Variants in MINK1 observed in about 807,000 individuals in gnomAD.
The protein encoded by MINK1 is misshapen-like kinase 1.
In MINK1, 46 loss-of-function variants were observed where a neutral mutation model predicts 178.4. The ratio of observed to expected loss-of-function variants is 0.26; its 90% CI spans 0.20 to 0.33. The LOEUF is 0.33. Among genes scored for constraint, MINK1 ranks in the 10% least tolerant of loss-of-function variants. The pLI is 1.00. For synonymous variants in MINK1, 797 were observed against 709.7 expected, an observed-to-expected ratio of 1.12 and a Z score of -1.96; for missense variants, 1,366 against 1,814.9, an observed-to-expected ratio of 0.75 and a Z score of 4.49.
Position 4,894,218 on chromosome 17 carries a change from G to A in MINK1, c.2715G>A (p.Gly905=), listed in dbSNP as rs773574731. 13 of 1,613,470 alleles carry A rather than the reference G, an allele frequency of 8.1e-6. No homozygotes were observed. The highest frequency in any genetic ancestry group is 3.3e-5 in the Admixed American group (2 of 60,008). ...ERNLLHADSN[G]YTNLPDVVQP... ...ACCTGCTGCATGCTGACAGCAATGG[G>A]TACACAAACCTGCCTGACGTGGTCC... is the stretch of plus-strand genomic sequence containing the variant. The change falls in exon 23 of 32, where the codon GGG becomes GGA. Residue 905 remains glycine, a synonymous_variant. Coordinates refer to ENST00000355280, the MANE Select transcript of MINK1 (RefSeq NM_153827.5). This position sits in a 1 kb window ranked among gnomAD's most constrained non-coding sequence, Gnocchi z 4.1.
At chr17:4,859,641 A>G (rs1913795897) in intron 1 of MINK1, among the ~76,000 whole-genome samples, 1 of 151,922 alleles carries the variant, frequency 6.6e-6, no homozygotes. Context: ...TACAAAAATT[A>G]GCTGGGTGTG....
chr17:4,870,928 C>T (rs531077391), intron 1 of MINK1: 199 of 161,232 alleles, frequency 1.2e-3, no homozygotes, highest in Non-Finnish European at 1.4e-3. Flanking sequence ...AGAACCTTTT[C>T]ATTATCCCCA....
intron 1 of MINK1, among the ~76,000 whole-genome samples, chr17:4,870,674 A>T (rs896663075): frequency 1.7e-4 from 26 of 151,730 alleles, no homozygotes; most frequent in Admixed American, 9.2e-4. Flanking sequence ...AAAATATAAA[A>T]ATTAGCCAGG....
At chr17:4,890,891 C>T (rs1009351463) in intron 14 of MINK1, 60 bp from the exon 15 acceptor site, 2 of 1,547,740 alleles carry the variant, frequency 1.3e-6, no homozygotes, top group African/African-American at 1.4e-5. Context: ...CAGGTGGGAC[C>T]CTCAGTTTTG....
chr17:4,894,579 G>C lies in MINK1; in HGVS notation c.2863G>C (p.Val955Leu), dbSNP rs1201811059. Residue 955 changes from valine (V) to leucine (L), a missense_variant, in exon 24 of 32, where the codon GTG becomes CTG. Physicochemically the swap from Val to Leu is conservative, Grantham distance 32 (BLOSUM62 1). Coordinates refer to ENST00000355280, the MANE Select transcript of MINK1 (RefSeq NM_153827.5). The surrounding 1 kb of genome is among the most constrained non-coding windows in gnomAD (Gnocchi z 4.1). ...APGKSSFTMF[V>L]DLGIYQPGGS... ...TGGCAAGAGCTCGTTCACGATGTTTGTGGATCTAGGGATCTACCAGCCTGG... is the reference window on the plus strand; with the variant it reads ...TGGCAAGAGCTCGTTCACGATGTTTCTGGATCTAGGGATCTACCAGCCTGG... 1 of 1,609,788 alleles carries C rather than the reference G, an allele frequency of 6.2e-7. No individual in the cohort carries two copies. Among genetic ancestry groups the C allele is most frequent in the Non-Finnish European group, 8.5e-7 (1 of 1,177,988 alleles).
Position 4,861,512 on chromosome 17 carries a change from T to C in MINK1, c.58-16805T>C, listed in dbSNP as rs1190934234. On this transcript the variant is annotated intron_variant, in intron 1 of 31. Transcript: ENST00000355280. ...TCAACCAAAGGTTTTTATTTATTTA[T>C]TTTTTTGAGTTGGAGTCTCACTCTG... Among the ~76,000 whole-genome samples, 3 of 152,126 alleles carry C rather than the reference T, an allele frequency of 2.0e-5. No homozygotes were observed. The East Asian group carries it at 5.8e-4, about 29-fold the overall frequency.
Position 4,872,458 on chromosome 17 carries a change from T to TG in MINK1, c.58-5858dup, listed in dbSNP as rs1009725846. ...TTCAAGACCAGCCTGGGCAACACGGTGAAACCCCGTCTACATAAAAAGTAC... is the reference window on the plus strand; with the variant it reads ...TTCAAGACCAGCCTGGGCAACACGGTGGAAACCCCGTCTACATAAAAAGTAC... On this transcript the variant is annotated intron_variant, in intron 1 of 31. Coordinates refer to ENST00000355280, the MANE Select transcript of MINK1 (RefSeq NM_153827.5). Among the ~76,000 whole-genome samples the TG allele has an allele frequency of 1.7e-4, 26 of 151,310 alleles. 1 individual carries two copies. The highest frequency in any genetic ancestry group is 6.9e-3 in the Middle Eastern group (2 of 288).
intron 1 of MINK1, among the ~76,000 whole-genome samples, chr17:4,862,546 T>G (rs920905767): frequency 6.6e-6 from 1 of 151,506 alleles, no homozygotes; most frequent in Non-Finnish European, 1.5e-5. Flanking sequence ...TCCTAGCTAC[T>G]GGGAGGCTGA....
rs777469748 is a variant in MINK1 at position 4,896,202 on chromosome 17, G to A, written c.3475G>A (p.Asp1159Asn). 60 of 1,597,006 alleles carry A rather than the reference G, an allele frequency of 3.8e-5. No homozygotes were observed. The highest frequency in any genetic ancestry group is 4.4e-5 in the Non-Finnish European group (52 of 1,171,126). Residue 1159 changes from aspartate (D) to asparagine (N), a missense_variant, in exon 29 of 32, where the codon GAC becomes AAC. By Grantham distance (23) the Asp-to-Asn change is conservative. Around this residue, in one of 14 missense-constraint regions of MINK1, gnomAD observed 201 missense variants for 240.7 expected, o/e 0.84. Transcript: ENST00000355280. This position sits in a 1 kb window ranked among gnomAD's most constrained non-coding sequence, Gnocchi z 4.6. ...HKFMAFKSFA[D>N]LPHRPLLVDL... ...CTCCGGTTCTCTGCAGTCCTTTGCC[G>A]ACCTCCCCCACCGCCCTCTGCTGGT...
intron 20 of MINK1, 172 bp from the exon 21 acceptor site, chr17:4,893,258 CTCTT>C: frequency 1.2e-5 from 19 of 1,613,756 alleles, no homozygotes; most frequent in Non-Finnish European, 1.6e-5. Context: ...TCTCTTCTGG[CTCTT>C]TCTTCCCCTG....
At chr17:4,867,633 C>G (rs1184022137) in intron 1 of MINK1, among the ~76,000 whole-genome samples, 2 of 152,056 alleles carry the variant, frequency 1.3e-5, no homozygotes, top group Admixed American at 6.6e-5. Flanking sequence ...AACCCCATCT[C>G]TACTAAAATT....
intron 1 of MINK1, among the ~76,000 whole-genome samples, chr17:4,872,046 A>G (rs1318105180): frequency 6.6e-6 from 1 of 152,138 alleles, no homozygotes; most frequent in African/African-American, 2.4e-5. Flanking sequence ...AAAAGGATGG[A>G]CAGGCTGGGT....
intron 3 of MINK1, 40 bp from the exon 4 acceptor site, chr17:4,881,092 T>G: frequency 6.5e-7 from 1 of 1,535,960 alleles, no homozygotes; most frequent in African/African-American, 1.4e-5. Context: ...GAAGGGAGTG[T>G]TGGGGGAGTC....
Position 4,881,188 on chromosome 17 carries a change from C to T in MINK1, c.237C>T (p.His79=). Residue 79 remains histidine (H), a synonymous_variant, in exon 4 of 32, where the codon CAC becomes CAT. Transcript: ENST00000355280. ...ACATGCTGAAAAAGTACTCTCACCA[C>T]CGCAACATCGCCACCTACTACGGAG... ...EINMLKKYSH[H]RNIATYYGAF... 2.0e-6 allele frequency: 3 copies of T among 1,537,222 alleles called. No homozygotes were observed. The highest frequency in any genetic ancestry group is 2.6e-6 in the Non-Finnish European group (3 of 1,146,892).
rs1266634811 is a variant in MINK1, at chr17:4,886,366, C to T, written c.774-85C>T. ...GAAGACAGGAGGGACGTCAAGGTGG[C>T]TTGTGGATGAATGATCCACCCTCTT... On this transcript the variant is annotated intron_variant, in intron 9 of 31. Coordinates refer to ENST00000355280, the MANE Select transcript of MINK1 (RefSeq NM_153827.5). This position sits in a 1 kb window ranked among gnomAD's most constrained non-coding sequence, Gnocchi z 6.1. The T allele has an allele frequency of 6.6e-6, 10 of 1,522,336 alleles. No individual in the cohort carries two copies. The highest frequency in any genetic ancestry group is 1.2e-5 in the South Asian group (1 of 82,782). 94.3% of individuals were successfully genotyped at this position (1,522,336 alleles called of 1,614,324 possible).
In MINK1 at chr17:4,892,195, G is replaced by T; in HGVS notation, c.2048G>T (p.Gly683Val). The T allele has an allele frequency of 6.3e-7, 1 of 1,599,744 alleles. No individual in the cohort carries two copies. Among genetic ancestry groups the T allele is most frequent in the East Asian group, 2.3e-5 (1 of 44,052 alleles). ...SSIATALNTS[G>V]AGGSRPAQAV... ...ATCGCCACTGCCCTTAACACCAGTG[G>T]GGCCGGAGGGTCCCGGCCAGCCCAG... Residue 683 changes from glycine to valine, a missense_variant, in exon 17 of 32, where the codon GGG (glycine) becomes GTG (valine). Around this residue, in one of 14 missense-constraint regions of MINK1, gnomAD observed 709 missense variants for 692.3 expected, o/e 1.02. Coordinates refer to ENST00000355280, the MANE Select transcript of MINK1 (RefSeq NM_153827.5).
chr17:4,897,256 C>G lies in MINK1; in HGVS notation c.3968C>G (p.Thr1323Ser). 6.2e-7 allele frequency: 1 copy of G among 1,613,788 alleles called. No homozygotes were observed. The highest frequency in any genetic ancestry group is 8.5e-7 in the Non-Finnish European group (1 of 1,179,754). Residue 1323 changes from threonine (T) to serine (S), a missense_variant, in exon 32 of 32, where the codon ACT becomes AGT. Around this residue, in one of 14 missense-constraint regions of MINK1, gnomAD observed 201 missense variants for 240.7 expected, o/e 0.84. Transcript: ENST00000355280. Reference protein sequence around the residue: ...SGGSSQVYFMTLNRNCIMNW With the variant: ...SGGSSQVYFMSLNRNCIMNW The stretch of plus-strand genomic sequence containing the variant: ...GGCAGCAGCCAAGTTTACTTCATGA[C>G]TCTGAACCGTAACTGCATCATGAAC...
Position 4,887,226 on chromosome 17 carries a change from G to A in MINK1, c.1019+47G>A, listed in dbSNP as rs368937049. ...GGGGTTGGGGCGGTCATCGCTGAGT[G>A]GGGGGACTACAGTGGTGCTTGGCTT... is the stretch of plus-strand genomic sequence containing the variant. On this transcript the variant is annotated intron_variant, in intron 11 of 31. Coordinates refer to ENST00000355280, the MANE Select transcript of MINK1 (RefSeq NM_153827.5). The surrounding 1 kb of genome is among the most constrained non-coding windows in gnomAD (Gnocchi z 7.6). The A allele has an allele frequency of 3.3e-6, 5 of 1,533,914 alleles. No homozygotes were observed. Among genetic ancestry groups the A allele is most frequent in the Admixed American group, 3.8e-5 (2 of 52,068 alleles).
intron 1 of MINK1, among the ~76,000 whole-genome samples, chr17:4,876,287 A>T (rs1027214943): frequency 9.9e-5 from 15 of 152,166 alleles, no homozygotes; most frequent in African/African-American, 3.6e-4. Context: ...GGTCCTAGAC[A>T]TTACCTGGTG....
Sources: allele counts gnomAD v4.1 joint callset (sites outside exome capture counted in the v4.1 genomes callset), GRCh38; gene constraint gnomAD v4.1.1; regional missense constraint gnomAD v4.1.1; non-coding constraint Gnocchi (gnomAD v3.1); transcripts MANE v1.5; gene names NCBI Gene and HGNC (gene_info 2026-07-23, HGNC 2026-07-21).